Variants in PRG4 observed in about 807,000 individuals in gnomAD.
The protein encoded by PRG4 is articular superficial zone protein.
In PRG4, 61 loss-of-function variants were observed where a neutral mutation model predicts 91.2. The ratio of observed to expected loss-of-function variants is 0.67; its 90% CI spans 0.54 to 0.83. The LOEUF is 0.83. Among genes scored for constraint, PRG4 ranks in the 40% least tolerant of loss-of-function variants. PRG4 has a pLI of 0.00. For missense variants in PRG4, 1,564 were observed against 1,714.2 expected (o/e 0.91, Z 1.55); for synonymous variants, 576 against 614.2 (o/e 0.94, Z 0.92).
Position 186,308,448 on chromosome 1 carries a change from A to G in PRG4, c.2729A>G (p.Glu910Gly), listed in dbSNP as rs376770678. 52 of 1,613,842 alleles carry G rather than the reference A, an allele frequency of 3.2e-5. No individual in the cohort carries two copies. The highest frequency in any genetic ancestry group is 4.3e-5 in the Non-Finnish European group (51 of 1,180,046). ...TTKTPAATKP[E>G]MTTTAKDKTT... ...AAGACTCCTGCAGCGACTAAACCTGAAATGACTACAACAGCTAAAGACAAG... is the reference window on the plus strand; with the variant it reads ...AAGACTCCTGCAGCGACTAAACCTGGAATGACTACAACAGCTAAAGACAAG... Residue 910 changes from glutamate (E) to glycine (G), a missense_variant, in exon 7 of 13, where the codon GAA becomes GGA. By Grantham distance (98) the Glu-to-Gly change is moderately conservative (BLOSUM62 -2). Around this residue, in one of 3 missense-constraint regions of PRG4, gnomAD observed 1,079 missense variants for 1,162.2 expected, o/e 0.93. Coordinates refer to ENST00000445192, the MANE Select transcript of PRG4 (RefSeq NM_005807.6).
intron 2 of PRG4, among the ~76,000 whole-genome samples, chr1:186,299,189 G>C (rs1428137923): frequency 6.6e-6 from 1 of 152,192 alleles, no homozygotes; most frequent in Non-Finnish European, 1.5e-5. Context: ...ATTTGAGAAT[G>C]AGTATGCTTT....
At chr1:186,297,079 TA>T in intron 2 of PRG4, 128 bp downstream of exon 2, 1 of 786,072 alleles carries the variant, frequency 1.3e-6, no homozygotes, top group African/African-American at 1.7e-5. Context: ...TGTACAACCT[TA>T]AAATAATATA....
At chr1:186,299,990 A>G (rs1656093219) in intron 2 of PRG4, 101 bp from the exon 3 acceptor site, 1 of 1,421,118 alleles carries the variant, frequency 7.0e-7, no homozygotes, top group Non-Finnish European at 9.9e-7. Context: ...TTCTCGATCA[A>G]TAAAATTCTC....
chr1:186,297,089 T>C lies in PRG4; in HGVS notation c.76+138T>C, dbSNP rs559199357. 2.0e-5 allele frequency: 15 copies of C among 754,278 alleles called. No individual in the cohort carries two copies. The South Asian group carries it at 2.2e-4, about 11-fold the overall frequency. 46.7% of individuals were successfully genotyped at this position (754,278 alleles called of 1,614,324 possible). ...TATACTGTACAACCTTAAAATAATA[T>C]ATAACATGTAGCCTGTTTGTAAGTG... On this transcript the variant is annotated intron_variant, in intron 2 of 12. Coordinates refer to ENST00000445192, the MANE Select transcript of PRG4 (RefSeq NM_005807.6).
chr1:186,298,247 G>A (rs150522080), intron 2 of PRG4, among the ~76,000 whole-genome samples: 82 of 152,162 alleles, frequency 5.4e-4, no homozygotes, highest in African/African-American at 1.9e-3. Flanking sequence ...GCCAGGTGTG[G>A]TAGTGTGTGC....
chr1:186,308,537 G>T lies in PRG4; in HGVS notation c.2818G>T (p.Glu940Ter). 4 of 1,613,650 alleles carry T rather than the reference G, an allele frequency of 2.5e-6. No individual in the cohort carries two copies. The highest frequency in any genetic ancestry group is 3.4e-6 in the Non-Finnish European group (4 of 1,180,024). The change falls in exon 7 of 13, where the codon GAG becomes TAG. Residue 940 changes from glutamate (E) to a stop codon, truncating the protein, a stop_gained. Coordinates refer to ENST00000445192, the MANE Select transcript of PRG4 (RefSeq NM_005807.6). LOFTEE classifies it high-confidence loss of function. The stretch of plus-strand genomic sequence containing the variant: ...AACTGCTGCACCTAAGATGACAAAA[G>T]AGACAGCAACTACAACAGAAAAAAC... ...TTTAAPKMTK[E>*]TATTTEKTTE...
Position 186,312,777 on chromosome 1 carries a change from C to T in PRG4, c.4000C>T (p.His1334Tyr), listed in dbSNP as rs750688165. 6.2e-7 allele frequency: 1 copy of T among 1,612,822 alleles called. No homozygotes were observed. The highest frequency in any genetic ancestry group is 1.3e-5 in the African/African-American group (1 of 74,870). ...AAACATGCCACTTACAGGTGTCCTT[C>T]ATAATGAAGTTAAAGTGAGTATACT... ...RLAYQDKGVL[H>Y]NEVKVSILWR... The change falls in exon 12 of 13, where the codon CAT becomes TAT. Residue 1334 changes from histidine (H) to tyrosine (Y), a missense_variant. His to Tyr is a moderately conservative substitution (Grantham distance 83). Transcript: ENST00000445192.
chr1:186,310,670 T>A (rs1193046554), intron 8 of PRG4, among the ~76,000 whole-genome samples: 1 of 122,824 alleles, frequency 8.1e-6, no homozygotes, highest in East Asian at 2.2e-4. Flanking sequence ...TTTTTTTGTA[T>A]TTTTTTTTTT....
chr1:186,298,324 T>G (rs74841909), intron 2 of PRG4, among the ~76,000 whole-genome samples: 11,023 of 152,046 alleles, frequency 0.072, 1,321 homozygotes, highest in African/African-American at 0.25. Flanking sequence ...GGAGGTTGCA[T>G]TAAGCTGAGC....
chr1:186,296,760 TAA>T, intron 1 of PRG4, 84 bp from the exon 2 acceptor site: 1 of 715,000 alleles, frequency 1.4e-6, no homozygotes, highest in South Asian at 1.6e-5. Flanking sequence ...GTTACATTTT[TAA>T]AGTTACTGAA....
chr1:186,311,523 T>C lies in PRG4; in HGVS notation c.3720T>C (p.Thr1240=), dbSNP rs757584066. Residue 1240 remains threonine (T), a synonymous_variant, in exon 10 of 13, where the codon ACT becomes ACC. Transcript: ENST00000445192. ...KPIFKGFGGL[T]GQIVAALSTA... is the part of the protein sequence containing the mutation. ...TTTTCAAAGGATTTGGAGGACTAAC[T>C]GGACAAATAGTGGCAGCGCTTTCAA... The C allele has an allele frequency of 3.3e-5, 54 of 1,613,952 alleles. No homozygotes were observed. The highest frequency in any genetic ancestry group is 4.4e-5 in the Non-Finnish European group (52 of 1,179,948).
In PRG4 at chr1:186,304,169, A is replaced by C. The variant is rs767376683; in HGVS notation, c.381A>C (p.Gln127His). The C allele has an allele frequency of 5.6e-6, 9 of 1,613,904 alleles. No homozygotes were observed. Among genetic ancestry groups the C allele is most frequent in the Admixed American group, 1.7e-5 (1 of 60,010 alleles). ...KKAPPPSGAS[Q>H]TIKSTTKRSP... ...CACCTCCACCTTCAGGAGCATCTCA[A>C]ACCATCAAATCAACAACCAAACGTT... The change falls in exon 5 of 13, where the codon CAA (glutamine) becomes CAC (histidine). Residue 127 changes from glutamine to histidine, a missense_variant. This residue lies in a region of PRG4 where 437 missense variants were observed against 459.0 expected (regional missense o/e 0.95). Coordinates refer to ENST00000445192, the MANE Select transcript of PRG4 (RefSeq NM_005807.6).
At chr1:186,310,242 C>T (rs557085341) in intron 8 of PRG4, among the ~76,000 whole-genome samples, 2 of 151,530 alleles carry the variant, frequency 1.3e-5, no homozygotes, top group East Asian at 3.9e-4. Flanking sequence ...AAAATAACAT[C>T]TCAATTGTGA....
chr1:186,304,119 A>AGGTG lies in PRG4; in HGVS notation c.331_332insGGTG (p.Thr111ArgfsTer37). On this transcript the variant is annotated frameshift_variant, in exon 5 of 13. Transcript: ENST00000445192. LOFTEE classifies it high-confidence loss of function. ...TTACTTGGCCTCAGTGCATAATCCC[A>AGGTG]CATCACCACCATCTTCAAAGAAAGC... The AGGTG allele has an allele frequency of 6.2e-7, 1 of 1,614,066 alleles. No individual in the cohort carries two copies. Among genetic ancestry groups the AGGTG allele is most frequent in the South Asian group, 1.1e-5 (1 of 91,082 alleles).
intron 12 of PRG4, chr1:186,313,472 T>C (rs1226381831): frequency 9.7e-6 from 5 of 514,802 alleles, no homozygotes; most frequent in African/African-American, 7.6e-5. Context: ...TACAAAAAGA[T>C]GGTGAAATGT....
At chr1:186,309,266 GT>G in intron 7 of PRG4, 126 bp downstream of exon 7, 1 of 992,658 alleles carries the variant, frequency 1.0e-6, no homozygotes, top group Non-Finnish European at 1.5e-6. Flanking sequence ...AGCTTGTGAA[GT>G]TTTACAGCTT....
At chr1:186,304,032 C>A in intron 4 of PRG4, 76 bp from the exon 5 acceptor site, 2 of 1,487,246 alleles carry the variant, frequency 1.3e-6, no homozygotes, top group South Asian at 1.1e-5. Context: ...AAGCTAGATG[C>A]ATCTGTGCTT....
intron 2 of PRG4, 60 bp downstream of exon 2, chr1:186,297,011 T>C (rs1339542202): frequency 2.1e-6 from 3 of 1,397,046 alleles, no homozygotes; most frequent in Admixed American, 3.4e-5. Flanking sequence ...TCAGTCTTGA[T>C]TTTTATAACA....
At chr1:186,310,142 G>GGGC in intron 8 of PRG4, among the ~76,000 whole-genome samples, 1 of 126,604 alleles carries the variant, frequency 7.9e-6, no homozygotes, top group East Asian at 2.6e-4. Flanking sequence ...TTTTGGGGGG[G>GGGC]GGGGGTAGTT....
Sources: allele counts gnomAD v4.1 joint callset (sites outside exome capture counted in the v4.1 genomes callset), GRCh38; gene constraint gnomAD v4.1.1; regional missense constraint gnomAD v4.1.1; transcripts MANE v1.5; gene names NCBI Gene and HGNC (gene_info 2026-07-23, HGNC 2026-07-21).